RBFOX1: variants seen among roughly 807,000 people sequenced by gnomAD.
RBFOX1 encodes the protein RNA binding fox-1 homolog 1, also known as RNA binding protein fox-1 homolog 1.
In RBFOX1, 8 loss-of-function variants were observed where a neutral mutation model predicts 57.7. The ratio of observed to expected loss-of-function variants is 0.14; its 90% confidence interval spans 0.08 to 0.25. The LOEUF is 0.25. RBFOX1 is among the 10% of genes least tolerant of loss of function. The probability of loss-of-function intolerance (pLI) is 1.00; values close to 1 mark genes in which losing one functional copy is unlikely to be tolerated. For missense variants in RBFOX1, 611 were observed against 548.5 expected, an observed-to-expected ratio of 1.11 and a Z score of -1.14; for synonymous variants, 326 against 222.4, an observed-to-expected ratio of 1.47 and a Z score of -4.15.
rs958008462 is a variant in RBFOX1, at chr16:5,313,476, A to T, written c.219+73371A>T. On this transcript the variant is annotated intron_variant, in intron 1 of 2. Coordinates refer to the RBFOX1 transcript ENST00000585867. Reference sequence around the variant, plus strand: ...GGATCATCTACATATGACCTCCTTAATCTGGGACCCATGACTTACAAGAAG... The same window carrying T: ...GGATCATCTACATATGACCTCCTTATTCTGGGACCCATGACTTACAAGAAG... Among the ~76,000 whole-genome samples the T allele has an allele frequency of 1.2e-4, 18 of 152,158 alleles. No individual in the cohort carries two copies. The East Asian group carries it at 3.5e-3, about 29-fold the overall frequency.
chr16:6,647,497 C>T (rs1189193024), intron 2 of RBFOX1, among the ~76,000 whole-genome samples: 3 of 152,120 alleles, frequency 2.0e-5, no homozygotes, highest in Non-Finnish European at 4.4e-5. Flanking sequence ...ATATACCTGC[C>T]TTAGACTCCC....
chr16:6,867,978 T>G (rs573596839), intron 3 of RBFOX1, among the ~76,000 whole-genome samples: 1 of 152,314 alleles, frequency 6.6e-6, no homozygotes, highest in Non-Finnish European at 1.5e-5. Flanking sequence ...AATTTTGATT[T>G]CTGTACTTGA....
chr16:5,629,318 G>T (rs981270103), intron 3 of RBFOX1, among the ~76,000 whole-genome samples: 2 of 152,160 alleles, frequency 1.3e-5, no homozygotes, highest in Non-Finnish European at 2.9e-5. Context: ...GGTGCTAGTC[G>T]CTCAGAATGG....
intron 2 of RBFOX1, among the ~76,000 whole-genome samples, chr16:6,378,290 A>C (rs568370936): frequency 6.6e-6 from 1 of 152,190 alleles, no homozygotes; most frequent in African/African-American, 2.4e-5. Flanking sequence ...TTCACCTCTC[A>C]CGGAGGCTGG....
At chr16:7,583,439 C>G (rs1450257439) in intron 6 of RBFOX1, among the ~76,000 whole-genome samples, 2 of 152,156 alleles carry the variant, frequency 1.3e-5, no homozygotes, top group African/African-American at 4.8e-5. Flanking sequence ...ATATGGATTT[C>G]TAACAAATTA....
chr16:7,639,009 G>A (rs1464777445), intron 11 of RBFOX1, among the ~76,000 whole-genome samples: 2 of 151,380 alleles, frequency 1.3e-5, no homozygotes, highest in Non-Finnish European at 2.9e-5. Context: ...ATAAAGATAG[G>A]TACCCTTCTC....
At chr16:6,821,780 C>T (rs948486657) in intron 3 of RBFOX1, among the ~76,000 whole-genome samples, 1 of 152,074 alleles carries the variant, frequency 6.6e-6, no homozygotes, top group South Asian at 2.1e-4. Context: ...CATTGATAGA[C>T]ATTTGGGTTG....
chr16:7,031,215 C>A (rs1448352978), intron 3 of RBFOX1, among the ~76,000 whole-genome samples: 2 of 152,172 alleles, frequency 1.3e-5, no homozygotes, highest in Non-Finnish European at 1.5e-5. Flanking sequence ...AGCTTGGCTG[C>A]CTGGCCTGGA....
At chr16:5,441,047 T>C (rs1364495647) in intron 1 of RBFOX1, among the ~76,000 whole-genome samples, 1 of 152,218 alleles carries the variant, frequency 6.6e-6, no homozygotes, top group Non-Finnish European at 1.5e-5. Flanking sequence ...AATGAAGGTC[T>C]GTCTCCAGGG....
intron 4 of RBFOX1, among the ~76,000 whole-genome samples, chr16:7,417,848 ACTT>A (rs895097610): frequency 6.6e-5 from 10 of 152,002 alleles, no homozygotes; most frequent in Admixed American, 6.5e-4. Flanking sequence ...TGTCTACTTC[ACTT>A]CTTGACGCAC....
chr16:6,105,598 A>G (rs1289074510), intron 1 of RBFOX1, among the ~76,000 whole-genome samples: 1 of 152,192 alleles, frequency 6.6e-6, no homozygotes, highest in Non-Finnish European at 1.5e-5. Flanking sequence ...TTTCATGGAC[A>G]CTACCTTTTA....
chr16:6,307,231 A>G (rs192447431), intron 1 of RBFOX1, among the ~76,000 whole-genome samples: 37 of 152,264 alleles, frequency 2.4e-4, no homozygotes, highest in African/African-American at 8.2e-4. Flanking sequence ...AGTGCCTAGT[A>G]CATGGTAAAT....
chr16:7,273,481 TTGA>T (rs912560514), intron 4 of RBFOX1, among the ~76,000 whole-genome samples: 1 of 152,118 alleles, frequency 6.6e-6, no homozygotes, highest in African/African-American at 2.4e-5. Flanking sequence ...TCCCTGGAAT[TTGA>T]TGATGACTTA....
chr16:7,695,338 C>G (rs181737232), intron 14 of RBFOX1, among the ~76,000 whole-genome samples: 1 of 152,124 alleles, frequency 6.6e-6, no homozygotes, highest in Non-Finnish European at 1.5e-5. Flanking sequence ...GCTCAGTCAA[C>G]AAAGGTTGTA....
chr16:7,314,463 G>A (rs756038420), intron 4 of RBFOX1, among the ~76,000 whole-genome samples: 11 of 152,120 alleles, frequency 7.2e-5, no homozygotes, highest in Non-Finnish European at 1.0e-4. Context: ...GCCTGTGTGC[G>A]GTTGTGTATG....
chr16:5,993,908 C>T (rs976390444), intron 4 of RBFOX1, among the ~76,000 whole-genome samples: 1 of 152,122 alleles, frequency 6.6e-6, no homozygotes, highest in African/African-American at 2.4e-5. Context: ...GCAGGTCCCG[C>T]TGGGTGGGAG....
intron 3 of RBFOX1, among the ~76,000 whole-genome samples, chr16:5,792,116 G>A (rs572409626): frequency 6.6e-6 from 1 of 152,276 alleles, no homozygotes; most frequent in South Asian, 2.1e-4. Flanking sequence ...AGTTATCGTG[G>A]ATAAGTGATT....
intron 6 of RBFOX1, among the ~76,000 whole-genome samples, chr16:7,585,488 T>C (rs1163137489): frequency 6.6e-6 from 1 of 152,208 alleles, no homozygotes; most frequent in Non-Finnish European, 1.5e-5. Context: ...GGTTTCTTCC[T>C]ATCCTTTGCT....
Position 7,380,218 on chromosome 16 carries a change from G to A in RBFOX1, c.28-137929G>A, listed in dbSNP as rs77415583. Among the ~76,000 whole-genome samples the A allele has an allele frequency of 1.8e-4, 27 of 152,216 alleles. 1 individual carries two copies. In the East Asian group the frequency reaches 4.8e-3, roughly 27 times the overall value. Reference sequence around the variant, plus strand: ...AACTATATCACATCATGATTTTAGAGTCAGAAATGCTCAGAGTTTAGAAAA... The same window carrying A: ...AACTATATCACATCATGATTTTAGAATCAGAAATGCTCAGAGTTTAGAAAA... On this transcript the variant is annotated intron_variant, in intron 4 of 15. Transcript: ENST00000550418.
Sources: allele counts gnomAD v4.1 joint callset (sites outside exome capture counted in the v4.1 genomes callset), GRCh38; gene constraint gnomAD v4.1.1; transcripts MANE v1.5; gene names NCBI Gene and HGNC (gene_info 2026-07-23, HGNC 2026-07-21).